Variants in NUMBL observed in about 807,000 individuals in gnomAD.
NUMBL encodes numb-like protein.
In NUMBL, 20 loss-of-function variants were observed where a neutral mutation model predicts 48.9. The observed-to-expected ratio is 0.41, with a 90% CI of 0.29 to 0.59. The LOEUF (loss-of-function observed/expected upper bound fraction) is 0.59, where lower values mean the gene tolerates loss of function less well. Among genes scored for constraint, NUMBL ranks in the 20% least tolerant of loss-of-function variants. The probability of loss-of-function intolerance (pLI) is 0.31; values close to 1 mark genes in which losing one functional copy is unlikely to be tolerated. For synonymous variants in NUMBL, 340 were observed against 348.7 expected (o/e 0.98, Z 0.28); for missense variants, 660 against 846.2 (o/e 0.78, Z 2.73).
Position 40,682,739 on chromosome 19 carries a change from C to T in NUMBL, c.388G>A (p.Asp130Asn), listed in dbSNP as rs149682492. 1.1e-5 allele frequency: 17 copies of T among 1,614,020 alleles called. No homozygotes were observed. The highest frequency in any genetic ancestry group is 2.2e-5 in the East Asian group (1 of 44,892). Residue 130 changes from aspartate to asparagine, a missense_variant, in exon 5 of 10, where the codon GAC (aspartate) becomes AAC (asparagine). Physicochemically the swap from Asp to Asn is conservative, Grantham distance 23 (BLOSUM62 1). Around this residue, in one of 3 missense-constraint regions of NUMBL, gnomAD observed 278 missense variants for 420.6 expected, o/e 0.66. Transcript: ENST00000252891. The surrounding 1 kb of genome is among the most constrained non-coding windows in gnomAD (Gnocchi z 4.0). Reference protein sequence around the residue: ...VSADGLRVVDDKTKDLLVDQT... With the variant: ...VSADGLRVVDNKTKDLLVDQT... Reference sequence around the variant, plus strand: ...CACAGGCCTCCTACCTTGGTTTTGTCGTCCACCACTCGGAGCCCATCGGCT... The same window carrying T: ...CACAGGCCTCCTACCTTGGTTTTGTTGTCCACCACTCGGAGCCCATCGGCT...
Position 40,683,836 on chromosome 19 carries a change from G to A in NUMBL, c.249+581C>T, listed in dbSNP as rs971017530. Among the ~76,000 whole-genome samples, 8 of 152,138 alleles carry A rather than the reference G, an allele frequency of 5.3e-5. No homozygotes were observed. The East Asian group carries it at 1.5e-3, about 29-fold the overall frequency. On this transcript the variant is annotated intron_variant, in intron 3 of 9. Coordinates refer to ENST00000252891, the MANE Select transcript of NUMBL (RefSeq NM_004756.5). ...CTGTTGCCTAGGCTGGAGTGCAATG[G>A]CACAATTAAGGCTCACTGCAGCCTC...
At position 40,680,958 on chromosome 19, in the gene NUMBL, G is replaced by A; in HGVS notation, c.499C>T (p.Arg167Cys). 5 of 1,614,164 alleles carry A rather than the reference G, an allele frequency of 3.1e-6. No individual in the cohort carries two copies. Among genetic ancestry groups the A allele is most frequent in the African/African-American group, 2.7e-5 (2 of 75,034 alleles). The change falls in exon 6 of 10, where the codon CGC becomes TGC. Residue 167 changes from arginine to cysteine, a missense_variant. By Grantham distance (180) the Arg-to-Cys change is radical (BLOSUM62 -3). This residue lies in a region of NUMBL where 278 missense variants were observed against 420.6 expected (regional missense o/e 0.66). Transcript: ENST00000252891. ...AGAAAACAGTGGCAGATCCAGCGGC[G>A]GGTAGTCCCGTCACGACAGATATAG... is the stretch of plus-strand genomic sequence containing the variant. ...FSYICRDGTT[R>C]RWICHCFLAL... is the part of the protein sequence containing the mutation.
Position 40,669,969 on chromosome 19 carries a change from A to G in NUMBL, c.1088T>C (p.Leu363Pro). 1 of 1,614,146 alleles carries G rather than the reference A, an allele frequency of 6.2e-7. No individual in the cohort carries two copies. Residue 363 changes from leucine to proline, a missense_variant, in exon 9 of 10, where the codon CTG becomes CCG. By Grantham distance (98) the Leu-to-Pro change is moderately conservative. Around this residue, in one of 3 missense-constraint regions of NUMBL, gnomAD observed 296 missense variants for 339.7 expected, o/e 0.87. Coordinates refer to ENST00000252891, the MANE Select transcript of NUMBL (RefSeq NM_004756.5). ...GAGDSDSINA[L>P]CTQISSSFAS... ...AAAAGATGAACTGATCTGTGTGCAC[A>G]GAGCGTTGATGCTGTCACTGTCGCC...
Position 40,681,043 on chromosome 19 carries a change from G to C in NUMBL, c.414C>G (p.Asp138Glu). ...VDDKTKDLLV[D>E]QTIEKVSFCA... The stretch of plus-strand genomic sequence containing the variant: ...AAAAGGAGACCTTTTCGATGGTCTG[G>C]TCGACCAGAAGATCCTAGGAGGGGC... The change falls in exon 6 of 10, where the codon GAC becomes GAG. Residue 138 changes from aspartate (D) to glutamate (E), a missense_variant. Transcript: ENST00000252891. 6.2e-7 allele frequency: 1 copy of C among 1,614,168 alleles called. No homozygotes were observed. Among genetic ancestry groups the C allele is most frequent in the Non-Finnish European group, 8.5e-7 (1 of 1,180,010 alleles).
Position 40,686,951 on chromosome 19 carries a change from A to C in NUMBL, c.69T>G (p.Cys23Trp). ...AGGTTTCTGGGGGCCCCGGGGCCCCACAGGGGGCTGGGGGCAGGTGCCGCT... is the reference window on the plus strand; with the variant it reads ...AGGTTTCTGGGGGCCCCGGGGCCCCCCAGGGGGCTGGGGGCAGGTGCCGCT... ...RPERHLPPAP[C>W]GAPGPPETCR... Residue 23 changes from cysteine (C) to tryptophan (W), a missense_variant, in exon 2 of 10, where the codon TGT (cysteine) becomes TGG (tryptophan). This residue lies in a region of NUMBL where 86 missense variants were observed against 85.9 expected (regional missense o/e 1.00). Transcript: ENST00000252891. 1.3e-6 allele frequency: 2 copies of C among 1,543,674 alleles called. No individual in the cohort carries two copies. The highest frequency in any genetic ancestry group is 1.7e-6 in the Non-Finnish European group (2 of 1,143,796).
chr19:40,667,564 C>T lies in NUMBL; in HGVS notation c.1734G>A (p.Glu578=). 6.4e-7 allele frequency: 1 copy of T among 1,559,950 alleles called. No individual in the cohort carries two copies. Among genetic ancestry groups the T allele is most frequent in the Admixed American group, 1.9e-5 (1 of 51,542 alleles). The change falls in exon 10 of 10, where the codon GAG becomes GAA. Residue 578 remains glutamate, a synonymous_variant. Transcript: ENST00000252891. The surrounding 1 kb of genome is among the most constrained non-coding windows in gnomAD (Gnocchi z 6.1). ...PAPAPELDPF[E]AQWAALEGKA... ...TGCCTTCTAATGCCGCCCACTGGGC[C>T]TCAAAGGGGTCCAACTCTGGAGCTG...
At chr19:40,676,505 G>C (rs1275462565) in intron 7 of NUMBL, among the ~76,000 whole-genome samples, 1 of 151,908 alleles carries the variant, frequency 6.6e-6, no homozygotes, top group Non-Finnish European at 1.5e-5. Flanking sequence ...GCTCACCTGA[G>C]GTCAGGAGTT....
At chr19:40,677,155 T>G in intron 7 of NUMBL, 77 bp downstream of exon 7, 1 of 1,458,638 alleles carries the variant, frequency 6.9e-7, no homozygotes, top group Non-Finnish European at 9.3e-7. Context: ...TCTCTGCACC[T>G]CTGCAGCTCC....
chr19:40,684,276 G>T, intron 3 of NUMBL, 141 bp downstream of exon 3: 1 of 867,576 alleles, frequency 1.2e-6, no homozygotes, highest in Non-Finnish European at 1.7e-6. Flanking sequence ...CACCGTGATA[G>T]CCAGGACTGC....
In NUMBL at chr19:40,687,471, A is replaced by G. The variant is rs2081940879; in HGVS notation, c.25-476T>C. On this transcript the variant is annotated intron_variant, in intron 1 of 9. Transcript: ENST00000252891. The surrounding 1 kb of genome is among the most constrained non-coding windows in gnomAD (Gnocchi z 4.6). ...TGGCCGCATATTCATGTTCGGACAC[A>G]CACAGTCTCTACTACAGACATTTGT... 6.6e-6 allele frequency among the ~76,000 whole-genome samples: 1 copy of G among 152,196 alleles called. No homozygotes were observed. Among genetic ancestry groups the G allele is most frequent in the Non-Finnish European group, 1.5e-5 (1 of 68,030 alleles).
intron 6 of NUMBL, among the ~76,000 whole-genome samples, chr19:40,680,086 G>C (rs139311282): frequency 5.3e-5 from 8 of 151,914 alleles, no homozygotes; most frequent in Admixed American, 2.0e-4. Context: ...ACCCACAGGA[G>C]ATGGTCCTGC....
chr19:40,675,576 A>AACACACACACAC lies in NUMBL; in HGVS notation c.730+1644_730+1655dup, dbSNP rs3071383. ...AGGACATACATACAATTATATTTTA[A>AACACACACACAC]ACACACACACACACACACACACACA... On this transcript the variant is annotated intron_variant, in intron 7 of 9. Transcript: ENST00000252891. Among the ~76,000 whole-genome samples the AACACACACACAC allele has an allele frequency of 4.2e-5, 6 of 142,390 alleles. 1 individual carries two copies. The highest frequency in any genetic ancestry group is 4.5e-4 in the South Asian group (2 of 4,464). 93.4% of individuals were successfully genotyped at this position (142,390 alleles called of 152,430 possible). A position where few individuals can be genotyped will look rare whatever the true frequency, so the allele number is the denominator to read the frequency against.
In NUMBL at chr19:40,668,127, A is replaced by C; in HGVS notation, c.1171T>G (p.Trp391Gly). The change falls in exon 10 of 10, where the codon TGG becomes GGG. Residue 391 changes from tryptophan to glycine, a missense_variant. Transcript: ENST00000252891. Reference protein sequence around the residue: ...PPPATTGTSAWGEPSVPPAAA... With the variant: ...PPPATTGTSAGGEPSVPPAAA... ...GCAGGGGGCACGGAGGGCTCACCCC[A>C]GGCAGAAGTCCCTGGAGAGAGGAGA... The C allele has an allele frequency of 6.3e-7, 1 of 1,599,286 alleles. No individual in the cohort carries two copies. The highest frequency in any genetic ancestry group is 8.5e-7 in the Non-Finnish European group (1 of 1,172,538).
intron 2 of NUMBL, chr19:40,684,869 T>C: frequency 3.0e-6 from 1 of 332,972 alleles, no homozygotes; most frequent in South Asian, 4.6e-5. Flanking sequence ...TTCTTGTCCA[T>C]GTGGTGGATG....
At position 40,680,976 on chromosome 19, in the gene NUMBL, A is replaced by G; in HGVS notation, c.481T>C (p.Cys161Arg). The G allele has an allele frequency of 1.9e-6, 3 of 1,614,198 alleles. No individual in the cohort carries two copies. The highest frequency in any genetic ancestry group is 2.5e-6 in the Non-Finnish European group (3 of 1,180,022). The change falls in exon 6 of 10, where the codon TGT (cysteine) becomes CGT (arginine). Residue 161 changes from cysteine (C) to arginine (R), a missense_variant. Physicochemically the swap from Cys to Arg is radical, Grantham distance 180. Transcript: ENST00000252891. Reference protein sequence around the residue: ...RNLDKAFSYICRDGTTRRWIC... With the variant: ...RNLDKAFSYIRRDGTTRRWIC... ...CAGCGGCGGGTAGTCCCGTCACGACAGATATAGGAGAAAGCCTTGTCCAGG... is the reference window on the plus strand; with the variant it reads ...CAGCGGCGGGTAGTCCCGTCACGACGGATATAGGAGAAAGCCTTGTCCAGG...
At chr19:40,672,283 T>C (rs2081852503) in intron 8 of NUMBL, among the ~76,000 whole-genome samples, 1 of 152,136 alleles carries the variant, frequency 6.6e-6, no homozygotes, top group Admixed American at 6.5e-5. Flanking sequence ...ACGGAGCTCT[T>C]TGCTCACCTT....
intron 8 of NUMBL, among the ~76,000 whole-genome samples, chr19:40,670,978 T>C (rs2081844668): frequency 6.6e-6 from 1 of 152,020 alleles, no homozygotes; most frequent in Admixed American, 6.6e-5. Context: ...TTTAAAAATA[T>C]TTATTTATTT....
At chr19:40,675,164 A>C (rs909156487) in intron 7 of NUMBL, among the ~76,000 whole-genome samples, 1 of 146,188 alleles carries the variant, frequency 6.8e-6, no homozygotes, top group Non-Finnish European at 1.5e-5. Context: ...AAAAAAAAAA[A>C]AAAAAACTTA....
chr19:40,673,512 T>C lies in NUMBL; in HGVS notation c.868A>G (p.Ile290Val). ...PVAAGTTAAA[I>V]PRRHAPLEQL... The stretch of plus-strand genomic sequence containing the variant: ...TCCAGGGGTGCATGGCGCCGGGGGA[T>C]GGCGGCCGCAGTGGTGCCTGCAGCC... The change falls in exon 8 of 10, where the codon ATC becomes GTC. Residue 290 changes from isoleucine (I) to valine (V), a missense_variant. By Grantham distance (29) the Ile-to-Val change is conservative (BLOSUM62 3). Around this residue, in one of 3 missense-constraint regions of NUMBL, gnomAD observed 278 missense variants for 420.6 expected, o/e 0.66. Transcript: ENST00000252891. This position sits in a 1 kb window ranked among gnomAD's most constrained non-coding sequence, Gnocchi z 5.9. 1 of 1,571,410 alleles carries C rather than the reference T, an allele frequency of 6.4e-7. No homozygotes were observed. Among genetic ancestry groups the C allele is most frequent in the Non-Finnish European group, 8.6e-7 (1 of 1,158,670 alleles).
Sources: gnomAD v4.1 joint callset for allele counts (sites outside exome capture counted in the v4.1 genomes callset) on GRCh38, gnomAD v4.1.1 for gene constraint, gnomAD v4.1.1 regional missense constraint, Gnocchi (gnomAD v3.1) non-coding constraint, MANE v1.5 for transcripts, NCBI Gene and HGNC (gene_info 2026-07-23, HGNC 2026-07-21) for gene names.